The following LRRK1 variants were observed in gnomAD, a reference collection of about 807,000 sequenced individuals.
LRRK1 encodes leucine-rich repeat serine/threonine-protein kinase 1.
In LRRK1, 113 loss-of-function variants were observed where a neutral mutation model predicts 209.1. The observed-to-expected ratio is 0.54, with a 90% CI of 0.46 to 0.63. The LOEUF (loss-of-function observed/expected upper bound fraction) is 0.63. LRRK1 is among the 30% of genes least tolerant of loss of function. The pLI is 0.00. For synonymous variants in LRRK1, 1,144 were observed against 1,099.7 expected (o/e 1.04, Z -0.80); for missense variants, 2,284 against 2,632.2 (o/e 0.87, Z 2.89).
At chr15:100,926,217 T>C (rs1341063896) in intron 2 of LRRK1, among the ~76,000 whole-genome samples, 1 of 152,200 alleles carries the variant, frequency 6.6e-6, no homozygotes, top group African/African-American at 2.4e-5. Context: ...ACGTGTGTCT[T>C]TTTTCAGTTG....
chr15:100,996,381 A>G lies in LRRK1; in HGVS notation c.762+6983A>G, dbSNP rs536229096. 1.7e-4 allele frequency among the ~76,000 whole-genome samples: 26 copies of G among 152,090 alleles called. No homozygotes were observed. The South Asian group carries it at 5.2e-3, about 30-fold the overall frequency. On this transcript the variant is annotated intron_variant, in intron 6 of 33. Coordinates refer to ENST00000388948, the MANE Select transcript of LRRK1 (RefSeq NM_024652.6). ...AGCCAGGGCTGGGGCATGGACCCTG[A>G]CTCCTCTTGGCCTGGCCTGTTCCAC... is the stretch of plus-strand genomic sequence containing the variant.
chr15:101,069,115 G>C lies in LRRK1; in HGVS notation c.*267G>C, dbSNP rs2036687104. 2.9e-6 allele frequency: 1 copy of C among 341,082 alleles called. No individual in the cohort carries two copies. Among genetic ancestry groups the C allele is most frequent in the Non-Finnish European group, 5.3e-6 (1 of 187,288 alleles). The allele number at this position is 341,082 out of a possible 1,614,324, so 21.1% of individuals were successfully genotyped here. On this transcript the variant is annotated 3_prime_UTR_variant, in exon 34 of 34. Coordinates refer to ENST00000388948, the MANE Select transcript of LRRK1 (RefSeq NM_024652.6). ...GGAAGACAGTGGTATCAGGCTGGGA[G>C]CGGCCTCCTCTGGCCTCCCCCATCA...
At chr15:101,033,208 T>A (rs886341066) in intron 20 of LRRK1, among the ~76,000 whole-genome samples, 2 of 152,196 alleles carry the variant, frequency 1.3e-5, no homozygotes, top group East Asian at 3.9e-4. Flanking sequence ...ATGTGTAGAA[T>A]GTGGAATGAT....
In LRRK1 at chr15:101,010,670, T is replaced by TA; in HGVS notation, c.1118-4_1118-3insA. ...ATACTTTGGGTCTTTTTTTTTTTTT[T>TA]TAGCCACTAACTGGATAGGTTTACG... On this transcript the variant is annotated splice_region_variant and splice_polypyrimidine_tract_variant and intron_variant, in intron 8 of 33. Transcript: ENST00000388948. 1 of 1,559,328 alleles carries TA rather than the reference T, an allele frequency of 6.4e-7. No individual in the cohort carries two copies. Among genetic ancestry groups the TA allele is most frequent in the Non-Finnish European group, 8.7e-7 (1 of 1,147,588 alleles).
chr15:100,938,283 T>G (rs1274836272), intron 2 of LRRK1, among the ~76,000 whole-genome samples: 1 of 152,216 alleles, frequency 6.6e-6, no homozygotes, highest in South Asian at 2.1e-4. Context: ...CAATCTTTTT[T>G]TTAACCCTCT....
intron 2 of LRRK1, among the ~76,000 whole-genome samples, chr15:100,964,109 G>C (rs2030291066): frequency 6.6e-6 from 1 of 152,224 alleles, no homozygotes; most frequent in Admixed American, 6.5e-5. Flanking sequence ...CTGTTAGTGA[G>C]AGCCCGCAGA....
At position 101,036,767 on chromosome 15, in the gene LRRK1, G is replaced by A. The variant is rs547579770; in HGVS notation, c.2963+7535G>A. On this transcript the variant is annotated intron_variant, in intron 20 of 33. Coordinates refer to ENST00000388948, the MANE Select transcript of LRRK1 (RefSeq NM_024652.6). Reference sequence around the variant, plus strand: ...AGTATTTGAATTTGCCTTCACAGGGGAGAACTTTCTCCTGAAGAGGCATCT... The same window carrying A: ...AGTATTTGAATTTGCCTTCACAGGGAAGAACTTTCTCCTGAAGAGGCATCT... Among the ~76,000 whole-genome samples, 29 of 152,048 alleles carry A rather than the reference G, an allele frequency of 1.9e-4. 1 individual carries two copies. The South Asian group carries it at 5.8e-3, about 30-fold the overall frequency.
Position 100,988,877 on chromosome 15 carries a change from G to A in LRRK1, c.613+64G>A. The A allele has an allele frequency of 3.7e-6, 5 of 1,343,782 alleles. No homozygotes were observed. Among genetic ancestry groups the A allele is most frequent in the South Asian group, 1.4e-5 (1 of 71,028 alleles). The allele number at this position is 1,343,782 out of a possible 1,614,324, so 83.2% of individuals were successfully genotyped here. A position where few individuals can be genotyped will look rare whatever the true frequency, so the allele number is the denominator to read the frequency against. On this transcript the variant is annotated intron_variant, in intron 5 of 33. Coordinates refer to ENST00000388948, the MANE Select transcript of LRRK1 (RefSeq NM_024652.6). ...CAAACCATCTCAGCCTCCAGATGTG[G>A]GACTGTGTCTTTATTCTCACTCTTG... is the stretch of plus-strand genomic sequence containing the variant.
At chr15:100,962,815 ATATATATATT>A (rs1385251246) in intron 2 of LRRK1, among the ~76,000 whole-genome samples, 377 of 27,194 alleles carry the variant, frequency 0.014, 5 homozygotes, top group African/African-American at 0.044. Flanking sequence ...ATATATATAT[ATATATATATT>A]TTTTTTTTTT....
At chr15:100,966,436 A>G (rs2030465351) in intron 2 of LRRK1, among the ~76,000 whole-genome samples, 1 of 152,166 alleles carries the variant, frequency 6.6e-6, no homozygotes, top group South Asian at 2.1e-4. Context: ...TATTCCCATC[A>G]CGCAGGTCTT....
At chr15:101,049,236 GAGA>G (rs752398519) in intron 22 of LRRK1, among the ~76,000 whole-genome samples, 5 of 152,334 alleles carry the variant, frequency 3.3e-5, no homozygotes, top group East Asian at 1.9e-4. Context: ...TCTGTGAGAG[GAGA>G]AGAAGGGAAA....
intron 6 of LRRK1, among the ~76,000 whole-genome samples, chr15:101,003,659 A>T (rs940607555): frequency 6.6e-6 from 1 of 152,068 alleles, no homozygotes; most frequent in Non-Finnish European, 1.5e-5. Context: ...TCATGAGAAC[A>T]GTATGGGGGA....
chr15:101,061,943 G>A (rs1398051945), intron 30 of LRRK1, among the ~76,000 whole-genome samples: 1 of 152,226 alleles, frequency 6.6e-6, no homozygotes, highest in Non-Finnish European at 1.5e-5. Flanking sequence ...AGGAGGTGGA[G>A]GTTGCAATGA....
chr15:100,985,704 G>C (rs941342510), intron 4 of LRRK1, among the ~76,000 whole-genome samples: 7 of 152,244 alleles, frequency 4.6e-5, no homozygotes, highest in African/African-American at 1.7e-4. Context: ...GTTTTCAACT[G>C]CTCCCAGGAG....
intron 20 of LRRK1, among the ~76,000 whole-genome samples, chr15:101,041,644 G>A (rs1215825803): frequency 1.3e-5 from 2 of 152,064 alleles, no homozygotes; most frequent in Non-Finnish European, 2.9e-5. Context: ...ACGATACCAG[G>A]ACATTACTCC....
intron 27 of LRRK1, among the ~76,000 whole-genome samples, chr15:101,056,596 C>T (rs367568654): frequency 1.3e-5 from 2 of 151,904 alleles, no homozygotes; most frequent in East Asian, 1.9e-4. Context: ...GATAAATGTA[C>T]AGGAAGACAA....
rs75629177 is a variant in LRRK1 at position 100,943,613 on chromosome 15, C to CT, written c.97+18897dup. ...AGATAATGTCCCTTTTTACTTGGTT[C>CT]TTTTTTTTTTTTTAAGCTAAAAATA... On this transcript the variant is annotated intron_variant, in intron 2 of 33. Transcript: ENST00000388948. Among the ~76,000 whole-genome samples the CT allele has an allele frequency of 7.7e-4, 101 of 131,942 alleles. 2 individuals are homozygous for CT. The highest frequency in any genetic ancestry group is 1.8e-3 in the East Asian group (8 of 4,432). The allele number at this position is 131,942 out of a possible 152,430, so 86.6% of individuals were successfully genotyped here.
At position 101,027,562 on chromosome 15, in the gene LRRK1, G is replaced by A; in HGVS notation, c.2527-76G>A. 1 of 1,560,550 alleles carries A rather than the reference G, an allele frequency of 6.4e-7. No individual in the cohort carries two copies. Among genetic ancestry groups the A allele is most frequent in the Non-Finnish European group, 8.7e-7 (1 of 1,150,264 alleles). On this transcript the variant is annotated intron_variant, in intron 18 of 33. Coordinates refer to ENST00000388948, the MANE Select transcript of LRRK1 (RefSeq NM_024652.6). This position sits in a 1 kb window ranked among gnomAD's most constrained non-coding sequence, Gnocchi z 5.1. ...CGTCCCACCCCCTCAGGCCACAGGG[G>A]CCGGGCAGGATCTGCCCAAGCTGGC...
At chr15:100,941,446 C>CTGTGTCTCTGTGTG (rs2042428648) in intron 2 of LRRK1, among the ~76,000 whole-genome samples, 1 of 72,528 alleles carries the variant, frequency 1.4e-5, no homozygotes, top group African/African-American at 7.8e-5. Context: ...GTGTGTGTGT[C>CTGTGTCTCTGTGTG]TGTGTGTGTC....
Sources: allele counts gnomAD v4.1 joint callset (sites outside exome capture counted in the v4.1 genomes callset), GRCh38; gene constraint gnomAD v4.1.1; non-coding constraint Gnocchi (gnomAD v3.1); transcripts MANE v1.5; gene names NCBI Gene and HGNC (gene_info 2026-07-23, HGNC 2026-07-21).